The following ABCC11 variants were observed in gnomAD, a reference collection of about 807,000 sequenced individuals.
ABCC11 encodes the protein ATP-binding cassette sub-family C member 11.
Under a neutral mutation model 149.3 loss-of-function variants are expected in ABCC11, and 135 were observed. The observed-to-expected ratio is 0.90, with a 90% CI of 0.79 to 1.04. The LOEUF (loss-of-function observed/expected upper bound fraction) is 1.04. ABCC11 is among the 50% of genes least tolerant of loss of function. The probability of loss-of-function intolerance (pLI) is 0.00; values close to 1 mark genes in which losing one functional copy is unlikely to be tolerated. For missense variants in ABCC11, 1,680 were observed against 1,722.1 expected, an observed-to-expected ratio of 0.98 and a Z score of 0.43; for synonymous variants, 665 against 671.4, an observed-to-expected ratio of 0.99 and a Z score of 0.15.
intron 27 of ABCC11, among the ~76,000 whole-genome samples, chr16:48,170,434 C>T (rs1365787035): frequency 1.3e-5 from 2 of 152,256 alleles, no homozygotes; most frequent in African/African-American, 4.8e-5. Flanking sequence ...CTCAAAAGAT[C>T]TTTCATCGGC....
chr16:48,217,438 G>A (rs1969423714), intron 6 of ABCC11, among the ~76,000 whole-genome samples: 1 of 151,960 alleles, frequency 6.6e-6, no homozygotes, highest in Non-Finnish European at 1.5e-5. Flanking sequence ...TCTATAAAAA[G>A]TAGGAAAATT....
Position 48,167,357 on chromosome 16 carries a change from A to G in ABCC11, c.4066T>C (p.Phe1356Leu). ...TTCCGCAGTACCTCCGGCCGATCAA[A>G]TTCTACCACCTGGAGGGTAGAGAAA... ...LVMGNGKVVE[F>L]DRPEVLRKKP... The change falls in exon 30 of 30, where the codon TTT (phenylalanine) becomes CTT (leucine). Residue 1356 changes from phenylalanine (F) to leucine (L), a missense_variant. Phe to Leu is a conservative substitution (Grantham distance 22). Transcript: ENST00000356608. 7.5e-7 allele frequency: 1 copy of G among 1,327,646 alleles called. No homozygotes were observed. Among genetic ancestry groups the G allele is most frequent in the Non-Finnish European group, 1.1e-6 (1 of 918,438 alleles). The allele number at this position is 1,327,646 out of a possible 1,614,324, so 82.2% of individuals were successfully genotyped here.
chr16:48,180,711 A>C (rs1966375471), intron 23 of ABCC11, among the ~76,000 whole-genome samples: 1 of 152,204 alleles, frequency 6.6e-6, no homozygotes, highest in Admixed American at 6.5e-5. Context: ...CATTGAGGTC[A>C]GGACCCCATA....
At chr16:48,201,969 CA>C (rs1968020940) in intron 14 of ABCC11, among the ~76,000 whole-genome samples, 1 of 152,158 alleles carries the variant, frequency 6.6e-6, no homozygotes, top group Admixed American at 6.5e-5. Flanking sequence ...GAAATGGTGG[CA>C]GAGAAAACTC....
downstream of ABCC11, chr16:48,164,867 C>T (rs1479255684): frequency 6.6e-6 from 1 of 151,958 alleles, no homozygotes; most frequent in African/African-American, 2.4e-5. Flanking sequence ...ATGGTTCTCA[C>T]ATTTTGCTGC....
intron 17 of ABCC11, among the ~76,000 whole-genome samples, chr16:48,197,283 C>T (rs1345673741): frequency 6.9e-6 from 1 of 144,602 alleles, no homozygotes; most frequent in African/African-American, 2.6e-5. Context: ...AAGATCAAGC[C>T]ACTGTATTCC....
chr16:48,179,894 C>G (rs1334707413), intron 23 of ABCC11, among the ~76,000 whole-genome samples: 1 of 152,182 alleles, frequency 6.6e-6, no homozygotes, highest in African/African-American at 2.4e-5. Context: ...ATCCAGGCAC[C>G]CACAAGCCAT....
In ABCC11 at chr16:48,231,858, C is replaced by T. The variant is rs145214745; in HGVS notation, c.64G>A (p.Asp22Asn). 1.9e-4 allele frequency: 299 copies of T among 1,614,114 alleles called. No individual in the cohort carries two copies. The African/African-American group carries it at 3.0e-3, about 16-fold the overall frequency. ...CCTGAAACCATGTCATCGCCTATGT[C>T]GATGCCACGATTCACGAGGCCACCA... ...SSGGLVNRGI[D>N]IGDDMVSGLI... The change falls in exon 2 of 30, where the codon GAC (aspartate) becomes AAC (asparagine). Residue 22 changes from aspartate (D) to asparagine (N), a missense_variant. Asp to Asn is a conservative substitution (Grantham distance 23). Coordinates refer to ENST00000356608, the MANE Select transcript of ABCC11 (RefSeq NM_001370497.1).
chr16:48,167,700 G>A, intron 28 of ABCC11, 40 bp from the exon 29 acceptor site: 2 of 1,607,198 alleles, frequency 1.2e-6, no homozygotes, highest in Non-Finnish European at 1.7e-6. Flanking sequence ...TCTACTTCAG[G>A]CCCTAGAGAC....
intron 1 of ABCC11, among the ~76,000 whole-genome samples, chr16:48,246,726 C>T (rs1463259238): frequency 6.6e-6 from 1 of 152,104 alleles, no homozygotes; most frequent in Non-Finnish European, 1.5e-5. Flanking sequence ...AGGCGTGCAC[C>T]ACTACACCCA....
intron 1 of ABCC11, among the ~76,000 whole-genome samples, chr16:48,236,430 T>C (rs1416810543): frequency 6.6e-6 from 1 of 152,210 alleles, no homozygotes; most frequent in Non-Finnish European, 1.5e-5. Context: ...CCTTTACTCA[T>C]CACATTCTGA....
At chr16:48,228,060 T>C (rs1596836329) in intron 3 of ABCC11, 96 bp from the exon 4 acceptor site, 66 of 1,177,736 alleles carry the variant, frequency 5.6e-5, no homozygotes, top group Non-Finnish European at 7.8e-5. Flanking sequence ...GTTACCCAGA[T>C]CTACACACAA....
At chr16:48,234,036 T>A (rs1009761229) in intron 1 of ABCC11, among the ~76,000 whole-genome samples, 1 of 152,262 alleles carries the variant, frequency 6.6e-6, no homozygotes, top group Non-Finnish European at 1.5e-5. Flanking sequence ...TAATCTGCAT[T>A]ATTAACATTT....
chr16:48,210,413 A>G (rs1291700065), intron 11 of ABCC11: 1 of 152,458 alleles, frequency 6.6e-6, no homozygotes, highest in Non-Finnish European at 1.5e-5. Context: ...TTAGACATTT[A>G]TCATTATATA....
At chr16:48,170,821 C>A in intron 27 of ABCC11, 68 bp downstream of exon 27, 12 of 1,416,540 alleles carry the variant, frequency 8.5e-6, no homozygotes, top group Non-Finnish European at 1.2e-5. Flanking sequence ...ATGAGAGGAG[C>A]CCCAAAGGGG....
chr16:48,209,460 GT>G (rs1968727867), intron 11 of ABCC11: 1 of 152,290 alleles, frequency 6.6e-6, no homozygotes. Flanking sequence ...CATAAGGAGT[GT>G]GCAACCTGGA....
chr16:48,195,189 C>T (rs1156275483), intron 18 of ABCC11, among the ~76,000 whole-genome samples: 1 of 152,216 alleles, frequency 6.6e-6, no homozygotes, highest in Non-Finnish European at 1.5e-5. Flanking sequence ...CTGATGGAAG[C>T]AAGTCTTAAT....
At chr16:48,220,201 G>A (rs9927756) in intron 6 of ABCC11, among the ~76,000 whole-genome samples, 21,880 of 152,080 alleles carry the variant, frequency 0.14, 2,083 homozygotes, top group African/African-American at 0.28. Context: ...TTAGTGAGGC[G>A]GGTGACTGCA....
At chr16:48,220,870 T>C (rs1969687688) in intron 6 of ABCC11, among the ~76,000 whole-genome samples, 1 of 152,174 alleles carries the variant, frequency 6.6e-6, no homozygotes, top group African/African-American at 2.4e-5. Flanking sequence ...GACAGAGTGG[T>C]GAATCTGAAA....
Sources: allele counts gnomAD v4.1 joint callset (sites outside exome capture counted in the v4.1 genomes callset), GRCh38; gene constraint gnomAD v4.1.1; transcripts MANE v1.5; gene names NCBI Gene and HGNC (gene_info 2026-07-23, HGNC 2026-07-21).